PRPSAP2: variants seen among roughly 807,000 people sequenced by gnomAD.
PRPSAP2 encodes phosphoribosyl pyrophosphate synthase-associated protein 2.
A neutral mutation model predicts 40.6 loss-of-function variants in PRPSAP2; 24 were observed. That is an observed-to-expected ratio of 0.59 (90% CI 0.43 to 0.83). PRPSAP2 has a LOEUF of 0.83. Ranked by LOEUF, PRPSAP2 falls within the 40% of genes least tolerant of loss-of-function variation. The probability of loss-of-function intolerance (pLI) is 0.00; values close to 1 mark genes in which losing one functional copy is unlikely to be tolerated. For missense variants in PRPSAP2, 292 were observed against 465.6 expected (o/e 0.63, Z 3.43); for synonymous variants, 149 against 164.7 (o/e 0.90, Z 0.73).
intron 1 of PRPSAP2, among the ~76,000 whole-genome samples, chr17:18,864,443 A>G (rs3764443): frequency 0.54 from 81,392 of 151,674 alleles, 22,135 homozygotes; most frequent in Middle Eastern, 0.6. Context: ...ATAGGCAGCC[A>G]CCACCACGCC....
At chr17:18,903,837 G>A (rs968686674) in intron 8 of PRPSAP2, among the ~76,000 whole-genome samples, 65 of 152,318 alleles carry the variant, frequency 4.3e-4, no homozygotes, top group Middle Eastern at 3.4e-3. Context: ...TAGCTATGTG[G>A]TGGTGATTTT....
In PRPSAP2 at chr17:18,882,826, G is replaced by A. The variant is rs917475852; in HGVS notation, c.528+143G>A. 73 of 591,284 alleles carry A rather than the reference G, an allele frequency of 1.2e-4. No homozygotes were observed. In the Middle Eastern group the frequency reaches 2.4e-3, roughly 19 times the overall value. 36.6% of individuals were successfully genotyped at this position (591,284 alleles called of 1,614,324 possible). On this transcript the variant is annotated intron_variant, in intron 7 of 11. Transcript: ENST00000268835. ...TTATACTTTATAGCTATAATCCAAC[G>A]CATTTTAGAATTCTGAATCTGCAGT...
chr17:18,886,020 G>T (rs1165946865), intron 7 of PRPSAP2, among the ~76,000 whole-genome samples: 1 of 152,094 alleles, frequency 6.6e-6, no homozygotes, highest in Non-Finnish European at 1.5e-5. Context: ...ACTACACCTG[G>T]CCTGTATTGC....
At chr17:18,882,975 C>T (rs1471815707) in intron 7 of PRPSAP2, among the ~76,000 whole-genome samples, 1 of 152,104 alleles carries the variant, frequency 6.6e-6, no homozygotes. Flanking sequence ...GATCCTGGTT[C>T]TGTTTTATGT....
At chr17:18,873,191 CT>C (rs34126027) in intron 5 of PRPSAP2, among the ~76,000 whole-genome samples, 85 of 108,164 alleles carry the variant, frequency 7.9e-4, no homozygotes, top group South Asian at 4.3e-3. Context: ...AGTAGAGGCT[CT>C]TTTTTTTTTT....
intron 4 of PRPSAP2, among the ~76,000 whole-genome samples, chr17:18,872,114 T>C (rs2037929762): frequency 1.3e-5 from 2 of 151,928 alleles, no homozygotes; most frequent in Admixed American, 1.3e-4. Context: ...ACTAAAAAAA[T>C]ACAAAACAGT....
chr17:18,867,177 CTTTAT>C (rs2037493848), intron 3 of PRPSAP2, 100 bp from the exon 4 acceptor site: 3 of 1,151,744 alleles, frequency 2.6e-6, no homozygotes, highest in African/African-American at 1.6e-5. Flanking sequence ...AGAAGAATAA[CTTTAT>C]TTTATTTTAC....
At chr17:18,868,488 A>G (rs2037595003) in intron 4 of PRPSAP2, among the ~76,000 whole-genome samples, 1 of 151,866 alleles carries the variant, frequency 6.6e-6, no homozygotes, top group Non-Finnish European at 1.5e-5. Context: ...CAGGGGAAAA[A>G]AAAAAAAAAA....
chr17:18,873,271 G>GCAACCTCGGCTTACCT (rs2038033135), intron 5 of PRPSAP2, among the ~76,000 whole-genome samples: 1 of 139,660 alleles, frequency 7.2e-6, no homozygotes, highest in African/African-American at 2.7e-5. Flanking sequence ...TCGGCTTACC[G>GCAACCTCGGCTTACCT]CAACCTCAGC....
intron 6 of PRPSAP2, among the ~76,000 whole-genome samples, chr17:18,881,619 C>T (rs2038749066): frequency 6.6e-6 from 1 of 151,524 alleles, no homozygotes; most frequent in East Asian, 2.0e-4. Flanking sequence ...TCACTTGCAG[C>T]CTTGACCTTC....
At chr17:18,916,854 A>G (rs568516199) in intron 9 of PRPSAP2, among the ~76,000 whole-genome samples, 1 of 152,316 alleles carries the variant, frequency 6.6e-6, no homozygotes, top group South Asian at 2.1e-4. Flanking sequence ...GCTCTCTGTA[A>G]GGGCACTAAT....
intron 8 of PRPSAP2, among the ~76,000 whole-genome samples, chr17:18,896,727 C>T (rs143577298): frequency 6.6e-6 from 1 of 151,558 alleles, no homozygotes; most frequent in Non-Finnish European, 1.5e-5. Context: ...TAAGTTTGAT[C>T]ATATTCTCCA....
intron 7 of PRPSAP2, among the ~76,000 whole-genome samples, chr17:18,885,719 C>A (rs2039090949): frequency 6.6e-6 from 1 of 152,126 alleles, no homozygotes; most frequent in Non-Finnish European, 1.5e-5. Context: ...TCCCGAGTAG[C>A]TGGGGTTACA....
intron 8 of PRPSAP2, chr17:18,908,427 A>C (rs2040739489): frequency 1.3e-6 from 1 of 758,068 alleles, no homozygotes. Flanking sequence ...ATGCAGACGA[A>C]ACTGTTCTGA....
At chr17:18,873,411 G>A (rs888739698) in intron 5 of PRPSAP2, among the ~76,000 whole-genome samples, 3 of 152,024 alleles carry the variant, frequency 2.0e-5, no homozygotes, top group African/African-American at 4.8e-5. Flanking sequence ...TCTCCATGTT[G>A]GTCAGGCTGG....
chr17:18,876,505 T>G (rs146454355), intron 5 of PRPSAP2, among the ~76,000 whole-genome samples: 385 of 152,332 alleles, frequency 2.5e-3, no homozygotes, highest in Middle Eastern at 0.01. Flanking sequence ...TAACAAATAC[T>G]TATTTTGAAT....
intron 8 of PRPSAP2, among the ~76,000 whole-genome samples, chr17:18,893,840 A>G (rs2039739027): frequency 6.6e-6 from 1 of 152,170 alleles, no homozygotes; most frequent in Non-Finnish European, 1.5e-5. Context: ...TTGGGATTAC[A>G]GGCATGAGCC....
At position 18,930,813 on chromosome 17, in the gene PRPSAP2, ACTT is replaced by A; in HGVS notation, c.*119_*121del. 1 of 950,908 alleles carries A rather than the reference ACTT, an allele frequency of 1.1e-6. No individual in the cohort carries two copies. The highest frequency in any genetic ancestry group is 1.4e-6 in the Non-Finnish European group (1 of 692,584). The allele number at this position is 950,908 out of a possible 1,614,324, so 58.9% of individuals were successfully genotyped here. ...GTTCCTCCCTCTCCCCTGTAACCTC[ACTT>A]CTTATTGATTCCTAAGAAGATAGAC... On this transcript the variant is annotated 3_prime_UTR_variant, in exon 12 of 12. Coordinates refer to ENST00000268835, the MANE Select transcript of PRPSAP2 (RefSeq NM_002767.4).
intron 1 of PRPSAP2, among the ~76,000 whole-genome samples, chr17:18,860,207 ATGC>A (rs1216115890): frequency 6.6e-6 from 1 of 152,040 alleles, no homozygotes; most frequent in East Asian, 1.9e-4. Context: ...TTACAGGTGC[ATGC>A]CACCACACCT....
Sources: gnomAD v4.1 joint callset for allele counts (sites outside exome capture counted in the v4.1 genomes callset) on GRCh38, gnomAD v4.1.1 for gene constraint, MANE v1.5 for transcripts, NCBI Gene and HGNC (gene_info 2026-07-23, HGNC 2026-07-21) for gene names.